The following STK17A variants were observed in gnomAD, a reference collection of about 807,000 sequenced individuals.
The protein encoded by STK17A is serine/threonine kinase 17a.
STK17A carries 26 observed loss-of-function variants against 43.7 expected under a neutral mutation model. The ratio of observed to expected loss-of-function variants is 0.60; its 90% CI spans 0.44 to 0.83. The LOEUF (loss-of-function observed/expected upper bound fraction) is 0.83. STK17A is among the 40% of genes least tolerant of loss of function. The probability of loss-of-function intolerance (pLI) is 0.00; values close to 1 mark genes in which losing one functional copy is unlikely to be tolerated. For missense variants in STK17A, 476 were observed against 511.6 expected, an observed-to-expected ratio of 0.93 and a Z score of 0.67; for synonymous variants, 191 against 182.5, an observed-to-expected ratio of 1.05 and a Z score of -0.38.
intron 2 of STK17A, among the ~76,000 whole-genome samples, chr7:43,606,304 C>T (rs561772848): frequency 6.6e-6 from 1 of 152,176 alleles, no homozygotes; most frequent in East Asian, 1.9e-4. Flanking sequence ...AATGGAAATG[C>T]TACTTTAGAT....
In STK17A at chr7:43,619,646, T is replaced by C. The variant is rs1403216482; in HGVS notation, c.614T>C (p.Ile205Thr). The C allele has an allele frequency of 6.2e-7, 1 of 1,614,102 alleles. No homozygotes were observed. The highest frequency in any genetic ancestry group is 8.5e-7 in the Non-Finnish European group (1 of 1,179,988). Reference sequence around the variant, plus strand: ...GAATCTCCATTGGGTGACATTAAGATTGTTGATTTTGGCCTTTCAAGAATA... The same window carrying C: ...GAATCTCCATTGGGTGACATTAAGACTGTTGATTTTGGCCTTTCAAGAATA... ...TSESPLGDIK[I>T]VDFGLSRILK... Residue 205 changes from isoleucine (I) to threonine (T), a missense_variant, in exon 4 of 7, where the codon ATT (isoleucine) becomes ACT (threonine). By Grantham distance (89) the Ile-to-Thr change is moderately conservative. Coordinates refer to ENST00000319357, the MANE Select transcript of STK17A (RefSeq NM_004760.3).
Position 43,624,541 on chromosome 7 carries a change from G to A in STK17A, c.944G>A (p.Cys315Tyr). 6.2e-7 allele frequency: 1 copy of A among 1,613,412 alleles called. No individual in the cohort carries two copies. Among genetic ancestry groups the A allele is most frequent in the Non-Finnish European group, 8.5e-7 (1 of 1,179,690 alleles). The change falls in exon 7 of 7, where the codon TGT (cysteine) becomes TAT (tyrosine). Residue 315 changes from cysteine to tyrosine, a missense_variant. This residue lies in a region of STK17A where 46 missense variants were observed against 81.6 expected (regional missense o/e 0.56). Transcript: ENST00000319357. ...AGAGATCGAGCCACTGCTGAAGAAT[G>A]TCTAAAGCACCCCTGGTTGACACAG... ...KPEDRATAEECLKHPWLTQSS... is the reference protein window; with the variant it reads ...KPEDRATAEEYLKHPWLTQSS...
chr7:43,585,620 AG>A (rs2082433200), intron 1 of STK17A, among the ~76,000 whole-genome samples: 1 of 151,522 alleles, frequency 6.6e-6, no homozygotes, highest in Non-Finnish European at 1.5e-5. Context: ...ATCGCATAGG[AG>A]TTTAATGCAG....
rs192754509 is a variant in STK17A, at chr7:43,626,844, G to A, written c.*2002G>A. The A allele has an allele frequency of 1.3e-5, 2 of 152,110 alleles. No homozygotes were observed. The highest frequency in any genetic ancestry group is 2.9e-5 in the Non-Finnish European group (2 of 68,010). 9.4% of individuals were successfully genotyped at this position (152,110 alleles called of 1,614,324 possible). A position where few individuals can be genotyped will look rare whatever the true frequency, so the allele number is the denominator to read the frequency against. Reference sequence around the variant, plus strand: ...TTAGCTGGCCACTTCAGTTTGCTGCGTATCTTTAGCTGCTGTTGTGCTTAA... The same window carrying A: ...TTAGCTGGCCACTTCAGTTTGCTGCATATCTTTAGCTGCTGTTGTGCTTAA... On this transcript the variant is annotated 3_prime_UTR_variant, in exon 7 of 7. Coordinates refer to ENST00000319357, the MANE Select transcript of STK17A (RefSeq NM_004760.3).
At chr7:43,589,980 G>T (rs1445830331) in intron 1 of STK17A, among the ~76,000 whole-genome samples, 1 of 129,576 alleles carries the variant, frequency 7.7e-6, no homozygotes, top group African/African-American at 2.9e-5. Flanking sequence ...TTGAGACAGG[G>T]TCTCATTCTG....
chr7:43,592,011 T>C (rs1230806584), intron 1 of STK17A, among the ~76,000 whole-genome samples: 2 of 151,626 alleles, frequency 1.3e-5, no homozygotes, highest in Non-Finnish European at 3.0e-5. Flanking sequence ...TGAGGGCCGT[T>C]CTACTGAGTC....
At chr7:43,587,647 TATC>T (rs1583545496) in intron 1 of STK17A, among the ~76,000 whole-genome samples, 1 of 151,558 alleles carries the variant, frequency 6.6e-6, no homozygotes, top group African/African-American at 2.4e-5. Context: ...TGTCATAAGT[TATC>T]ATTTTTTAAC....
Position 43,583,535 on chromosome 7 carries a change from C to T in STK17A, c.206+86C>T, listed in dbSNP as rs533743142. 27 of 1,137,322 alleles carry T rather than the reference C, an allele frequency of 2.4e-5. No individual in the cohort carries two copies. The African/African-American group carries it at 3.2e-4, about 14-fold the overall frequency. The allele number at this position is 1,137,322 out of a possible 1,614,324, so 70.5% of individuals were successfully genotyped here. ...CCGATAAGTGCCGGCGCCGCGGCGG[C>T]GAGGCTGAAGTGGCGTTGCTGCTGC... is the stretch of plus-strand genomic sequence containing the variant. On this transcript the variant is annotated intron_variant, in intron 1 of 6. Transcript: ENST00000319357.
intron 2 of STK17A, among the ~76,000 whole-genome samples, chr7:43,600,018 G>T (rs2082544838): frequency 6.6e-6 from 1 of 152,070 alleles, no homozygotes; most frequent in Non-Finnish European, 1.5e-5. Flanking sequence ...AACACTGAAG[G>T]CATCTCTTTC....
chr7:43,601,534 TCTC>T (rs1306147277), intron 2 of STK17A, among the ~76,000 whole-genome samples: 1 of 152,174 alleles, frequency 6.6e-6, no homozygotes, highest in Non-Finnish European at 1.5e-5. Context: ...GTCTCCAAAA[TCTC>T]CTCATTCTTG....
intron 3 of STK17A, among the ~76,000 whole-genome samples, chr7:43,615,747 T>A (rs1332781582): frequency 6.6e-6 from 1 of 152,200 alleles, no homozygotes; most frequent in African/African-American, 2.4e-5. Flanking sequence ...CACACAGGAT[T>A]TCCTGCAGAT....
At chr7:43,604,310 G>A (rs2082574923) in intron 2 of STK17A, among the ~76,000 whole-genome samples, 1 of 152,216 alleles carries the variant, frequency 6.6e-6, no homozygotes, top group Admixed American at 6.5e-5. Flanking sequence ...TCCATATACT[G>A]TGCTCCTTTA....
At chr7:43,610,550 C>T (rs1216084636) in intron 3 of STK17A, among the ~76,000 whole-genome samples, 1 of 151,496 alleles carries the variant, frequency 6.6e-6, no homozygotes, top group Non-Finnish European at 1.5e-5. Flanking sequence ...GCCTATAGTC[C>T]CAGCTACTCC....
At chr7:43,584,666 T>C (rs2082426538) in intron 1 of STK17A, among the ~76,000 whole-genome samples, 1 of 152,196 alleles carries the variant, frequency 6.6e-6, no homozygotes, top group African/African-American at 2.4e-5. Flanking sequence ...GAAATAGTTT[T>C]TTTTGGGGGG....
At chr7:43,621,591 C>A (rs375089581) in intron 4 of STK17A, among the ~76,000 whole-genome samples, 12 of 152,160 alleles carry the variant, frequency 7.9e-5, no homozygotes, top group African/African-American at 2.7e-4. Flanking sequence ...CCTCAGCCTC[C>A]CGAGTAGCTG....
chr7:43,585,583 A>C (rs1312791943), intron 1 of STK17A, among the ~76,000 whole-genome samples: 2 of 151,600 alleles, frequency 1.3e-5, no homozygotes, highest in Non-Finnish European at 3.0e-5. Flanking sequence ...AATTAAATCT[A>C]TTCTTTCCCT....
intron 2 of STK17A, among the ~76,000 whole-genome samples, chr7:43,597,339 G>T (rs2082523509): frequency 6.6e-6 from 1 of 150,412 alleles, no homozygotes; most frequent in East Asian, 1.9e-4. Flanking sequence ...TTCTGTAAAA[G>T]ACATTTATTT....
In STK17A at chr7:43,595,770, T is replaced by A. The variant is rs967126359; in HGVS notation, c.207-131T>A. The A allele has an allele frequency of 1.1e-5, 8 of 720,378 alleles. No homozygotes were observed. In the African/African-American group the frequency reaches 1.4e-4, roughly 13 times the overall value. The allele number at this position is 720,378 out of a possible 1,614,324, so 44.6% of individuals were successfully genotyped here. A position where few individuals can be genotyped will look rare whatever the true frequency, so the allele number is the denominator to read the frequency against. On this transcript the variant is annotated intron_variant, in intron 1 of 6. Coordinates refer to ENST00000319357, the MANE Select transcript of STK17A (RefSeq NM_004760.3). ...GTAGCCTATATAAATTTCTAAGTGATGTTTCTACTTTTGTGATTGTATATA... is the reference window on the plus strand; with the variant it reads ...GTAGCCTATATAAATTTCTAAGTGAAGTTTCTACTTTTGTGATTGTATATA...
chr7:43,592,674 A>G (rs1312574548), intron 1 of STK17A, among the ~76,000 whole-genome samples: 1 of 147,896 alleles, frequency 6.8e-6, no homozygotes. Context: ...ACATGACGAA[A>G]CCCCATCTGT....
Sources: allele counts gnomAD v4.1 joint callset (sites outside exome capture counted in the v4.1 genomes callset), GRCh38; gene constraint gnomAD v4.1.1; regional missense constraint gnomAD v4.1.1; transcripts MANE v1.5; gene names NCBI Gene and HGNC (gene_info 2026-07-23, HGNC 2026-07-21).